Variants in ADAM28 observed in about 807,000 individuals in gnomAD.
ADAM28 encodes disintegrin and metalloproteinase domain-containing protein 28.
A neutral mutation model predicts 101.2 loss-of-function variants in ADAM28; 105 were observed. The ratio of observed to expected loss-of-function variants is 1.04; its 90% CI spans 0.89 to 1.22. ADAM28 has a LOEUF of 1.22. Among genes scored for constraint, ADAM28 ranks in the 50% most tolerant of loss-of-function variants. The pLI is 0.00. For missense variants in ADAM28, 1,028 were observed against 945.4 expected (o/e 1.09, Z -1.15); for synonymous variants, 322 against 310.6 (o/e 1.04, Z -0.39).
At position 24,313,592 on chromosome 8, in the gene ADAM28, T is replaced by G; in HGVS notation, c.576+12T>G. On this transcript the variant is annotated intron_variant, in intron 6 of 22. Coordinates refer to ENST00000265769, the MANE Select transcript of ADAM28 (RefSeq NM_014265.6). The stretch of plus-strand genomic sequence containing the variant: ...CCACCAAACTAGTAGTATGTGTAAC[T>G]TTATTTATTTGAAATGCTCTCATGT... 1 of 1,611,216 alleles carries G rather than the reference T, an allele frequency of 6.2e-7. No homozygotes were observed. Among genetic ancestry groups the G allele is most frequent in the East Asian group, 2.2e-5 (1 of 44,848 alleles).
Position 24,326,566 on chromosome 8 carries a change from T to G in ADAM28, c.903T>G (p.Leu301=), listed in dbSNP as rs1413062102. Residue 301 remains leucine (L), a synonymous_variant, in exon 10 of 23, where the codon CTT becomes CTG. Transcript: ENST00000265769. The part of the protein sequence containing the change: ...DIAQLITATE[L]AGTTVGLAFM... The stretch of plus-strand genomic sequence containing the variant: ...TCCTTTCTTGCAGAGCAACAGAACT[T>G]GCTGGAACGACTGTGGGTCTTGCAT... 8 of 1,612,010 alleles carry G rather than the reference T, an allele frequency of 5.0e-6. No homozygotes were observed. The highest frequency in any genetic ancestry group is 6.8e-6 in the Non-Finnish European group (8 of 1,178,656).
chr8:24,343,214 C>G, intron 17 of ADAM28, 33 bp downstream of exon 17: 1 of 1,603,164 alleles, frequency 6.2e-7, no homozygotes, highest in East Asian at 2.2e-5. Flanking sequence ...CCTAAGCTCT[C>G]TGAATCTTAT....
At chr8:24,314,585 A>C (rs1585572534) in intron 6 of ADAM28, among the ~76,000 whole-genome samples, 1 of 152,080 alleles carries the variant, frequency 6.6e-6, no homozygotes, top group South Asian at 2.1e-4. Context: ...ATTTCTAGTC[A>C]GTTTAATTTT....
At chr8:24,343,239 G>C in intron 17 of ADAM28, 58 bp downstream of exon 17, 1 of 1,573,318 alleles carries the variant, frequency 6.4e-7, no homozygotes, top group Non-Finnish European at 8.7e-7. Flanking sequence ...TTCTAGGTCA[G>C]TCATAAGAAA....
intron 1 of ADAM28, among the ~76,000 whole-genome samples, chr8:24,295,483 G>A (rs1052811073): frequency 2.6e-5 from 4 of 151,934 alleles, no homozygotes; most frequent in East Asian, 1.9e-4. Context: ...TTTTCTCTCC[G>A]TTCTCCAAAA....
At chr8:24,331,448 C>T in intron 12 of ADAM28, 121 bp downstream of exon 12, 1 of 961,238 alleles carries the variant, frequency 1.0e-6, no homozygotes, top group Non-Finnish European at 1.5e-6. Context: ...TTGGGTACGC[C>T]CATTTGTAGG....
chr8:24,350,533 A>G (rs574019672), intron 19 of ADAM28, among the ~76,000 whole-genome samples: 4 of 151,800 alleles, frequency 2.6e-5, no homozygotes, highest in Middle Eastern at 3.4e-3. Flanking sequence ...CTGGTCTCAA[A>G]CTCCTGACCT....
chr8:24,341,696 C>G lies in ADAM28; in HGVS notation c.1769C>G (p.Pro590Arg), dbSNP rs1229935924. The change falls in exon 16 of 23, where the codon CCT becomes CGT. Residue 590 changes from proline (P) to arginine (R), a missense_variant. Pro to Arg is a moderately radical substitution (Grantham distance 103, BLOSUM62 -2). Transcript: ENST00000265769. ...TTCCTGACATGTAAAACATTTGATC[C>G]TGAAGACACAAGTCAAGAAATAGGC... ...VTFLTCKTFD[P>R]EDTSQEIGMV... 6.2e-7 allele frequency: 1 copy of G among 1,613,734 alleles called. No homozygotes were observed. Among genetic ancestry groups the G allele is most frequent in the Non-Finnish European group, 8.5e-7 (1 of 1,179,850 alleles).
At chr8:24,354,030 A>G (rs1251553606) in intron 22 of ADAM28, among the ~76,000 whole-genome samples, 198 bp downstream of exon 22, 2 of 152,074 alleles carry the variant, frequency 1.3e-5, no homozygotes, top group African/African-American at 4.8e-5. Flanking sequence ...CTCAGCTAGA[A>G]AGCTATGTAG....
intron 7 of ADAM28, 32 bp from the exon 8 acceptor site, chr8:24,321,186 A>G (rs1390773656): frequency 6.6e-6 from 9 of 1,365,798 alleles, no homozygotes; most frequent in Non-Finnish European, 4.2e-6. Context: ...ATTTTTATCA[A>G]TGCCCATATT....
At chr8:24,321,345 G>A in intron 8 of ADAM28, 56 bp downstream of exon 8, 1 of 1,392,640 alleles carries the variant, frequency 7.2e-7, no homozygotes, top group Non-Finnish European at 1.0e-6. Context: ...GATGTCACTG[G>A]GTTTTTCAAT....
chr8:24,331,167 A>C lies in ADAM28; in HGVS notation c.1121A>C (p.Asp374Ala), dbSNP rs1429605944. 6.2e-7 allele frequency: 1 copy of C among 1,611,902 alleles called. No individual in the cohort carries two copies. Among genetic ancestry groups the C allele is most frequent in the South Asian group, 1.1e-5 (1 of 90,558 alleles). ...CTTCACAGCTTCTATATACCCACAG[A>C]CTTCAGTTCCTGCAGCCGTCTCAGC... Reference protein sequence around the residue: ...DKALSFYIPTDFSSCSRLSYD... With the variant: ...DKALSFYIPTAFSSCSRLSYD... Residue 374 changes from aspartate to alanine, a missense_variant, in exon 12 of 23, where the codon GAC becomes GCC. Coordinates refer to ENST00000265769, the MANE Select transcript of ADAM28 (RefSeq NM_014265.6).
intron 14 of ADAM28, 125 bp downstream of exon 14, chr8:24,335,766 G>T: frequency 2.3e-6 from 3 of 1,308,972 alleles, no homozygotes; most frequent in Non-Finnish European, 2.0e-6. Flanking sequence ...TCAAAATCAT[G>T]GAAAGGTTTT....
intron 21 of ADAM28, among the ~76,000 whole-genome samples, chr8:24,352,868 C>T (rs1160638367): frequency 2.0e-5 from 3 of 152,084 alleles, no homozygotes; most frequent in Non-Finnish European, 4.4e-5. Context: ...TAGCTAATTA[C>T]AAAGCCAGAT....
rs768784090 is a variant in ADAM28, at chr8:24,343,575, G to T, written c.1981G>T (p.Val661Leu). Residue 661 changes from valine to leucine, a missense_variant, in exon 18 of 23, where the codon GTG (valine) becomes TTG (leucine). Val to Leu is a conservative substitution (Grantham distance 32). Transcript: ENST00000265769. ...WIPPDCDDSS[V>L]VFHFSIVVGV... ...CCCTCCCGACTGCGATGACTCCTCAGTGGTCTTCCGTAGGTAACATTACAC... is the reference window on the plus strand; with the variant it reads ...CCCTCCCGACTGCGATGACTCCTCATTGGTCTTCCGTAGGTAACATTACAC... The T allele has an allele frequency of 6.2e-7, 1 of 1,613,700 alleles. No homozygotes were observed. Among genetic ancestry groups the T allele is most frequent in the South Asian group, 1.1e-5 (1 of 91,076 alleles).
At chr8:24,309,809 G>T in intron 2 of ADAM28, 85 bp from the exon 3 acceptor site, 1 of 1,012,934 alleles carries the variant, frequency 9.9e-7, no homozygotes, top group Non-Finnish European at 1.5e-6. Flanking sequence ...AATAGATATT[G>T]CTTGCTAATG....
intron 10 of ADAM28, 127 bp from the exon 11 acceptor site, chr8:24,329,858 T>C (rs1204911400): frequency 1.5e-5 from 13 of 890,328 alleles, no homozygotes; most frequent in Admixed American, 2.2e-5. Context: ...TGTGTGTGTG[T>C]GTGTGTGTGT....
intron 9 of ADAM28, among the ~76,000 whole-genome samples, chr8:24,324,255 T>C (rs1015208227): frequency 7.9e-5 from 12 of 152,006 alleles, no homozygotes; most frequent in Non-Finnish European, 1.3e-4. Flanking sequence ...GTTTATATAA[T>C]GGAAAGAGAG....
At chr8:24,331,989 T>C (rs1311556268) in intron 12 of ADAM28, among the ~76,000 whole-genome samples, 5 of 152,188 alleles carry the variant, frequency 3.3e-5, no homozygotes, top group South Asian at 2.1e-4. Flanking sequence ...TATTTGATTA[T>C]GTATTTATTT....
Sources: gnomAD v4.1 joint callset for allele counts (sites outside exome capture counted in the v4.1 genomes callset) on GRCh38, gnomAD v4.1.1 for gene constraint, MANE v1.5 for transcripts, NCBI Gene and HGNC (gene_info 2026-07-23, HGNC 2026-07-21) for gene names.